Variants in APMAP observed in about 807,000 individuals in gnomAD.
APMAP encodes the protein adipocyte plasma membrane associated protein, also known as adipocyte plasma membrane-associated protein.
In APMAP, 33 loss-of-function variants were observed where a neutral mutation model predicts 43.6. The ratio of observed to expected loss-of-function variants is 0.76; its 90% CI spans 0.57 to 1.01. APMAP has a LOEUF of 1.01. Among genes scored for constraint, APMAP ranks in the 50% least tolerant of loss-of-function variants. The probability of loss-of-function intolerance (pLI) is 0.00; values close to 1 mark genes in which losing one functional copy is unlikely to be tolerated. For synonymous variants in APMAP, 224 were observed against 216.7 expected (o/e 1.03, Z -0.30); for missense variants, 498 against 540.7 (o/e 0.92, Z 0.78).
At chr20:24,983,855 A>T in intron 2 of APMAP, 48 bp downstream of exon 2, 2 of 1,293,842 alleles carry the variant, frequency 1.5e-6, no homozygotes, top group Non-Finnish European at 2.2e-6. Context: ...ATTTCAGCCT[A>T]TTACATTTTG....
intron 6 of APMAP, 29 bp downstream of exon 6, chr20:24,970,168 C>T: frequency 6.2e-7 from 1 of 1,613,100 alleles, no homozygotes; most frequent in Non-Finnish European, 8.5e-7. Context: ...GTGAACTCAA[C>T]AAATGGGAGA....
At chr20:24,986,715 ATCTC>A (rs1275466754) in intron 1 of APMAP, among the ~76,000 whole-genome samples, 1 of 152,208 alleles carries the variant, frequency 6.6e-6, no homozygotes, top group African/African-American at 2.4e-5. Context: ...GGAACCAGGT[ATCTC>A]TCTCCTTCAC....
intron 2 of APMAP, among the ~76,000 whole-genome samples, 157 bp from the exon 3 acceptor site, chr20:24,979,039 A>G (rs913686043): frequency 6.6e-6 from 1 of 152,202 alleles, no homozygotes; most frequent in East Asian, 1.9e-4. Flanking sequence ...CTGTTCTAGG[A>G]TATCAGAAAA....
chr20:24,982,831 A>G (rs1600288660), intron 2 of APMAP, among the ~76,000 whole-genome samples: 6 of 141,908 alleles, frequency 4.2e-5, no homozygotes, highest in East Asian at 2.1e-4. Context: ...ACATCAGGGG[A>G]CCCCCCCCCG....
In APMAP at chr20:24,992,676, C is replaced by G. The variant is rs781472848; in HGVS notation, c.13G>C (p.Asp5His). 6.5e-7 allele frequency: 1 copy of G among 1,535,372 alleles called. No individual in the cohort carries two copies. Among genetic ancestry groups the G allele is most frequent in the Non-Finnish European group, 8.8e-7 (1 of 1,142,186 alleles). The change falls in exon 1 of 9, where the codon GAC (aspartate) becomes CAC (histidine). Residue 5 changes from aspartate (D) to histidine (H), a missense_variant. Physicochemically the swap from Asp to His is moderately conservative, Grantham distance 81. Transcript: ENST00000217456. ...AGGGGCCGGCGCTGTCGCAGCCCGT[C>G]CGCCTCGCTCATGGTACGGGCGCCA... is the stretch of plus-strand genomic sequence containing the variant. MSEADGLRQRRPLRP... is the reference protein window; with the variant it reads MSEAHGLRQRRPLRP...
At chr20:24,978,218 A>G (rs1328780444) in intron 3 of APMAP, among the ~76,000 whole-genome samples, 2 of 152,238 alleles carry the variant, frequency 1.3e-5, no homozygotes, top group Admixed American at 6.5e-5. Context: ...TGCCTTGTTC[A>G]AGGTTGCTAG....
intron 8 of APMAP, among the ~76,000 whole-genome samples, chr20:24,967,486 C>T (rs1181511258): frequency 2.0e-5 from 3 of 152,180 alleles, no homozygotes; most frequent in Non-Finnish European, 2.9e-5. Flanking sequence ...CGTCCTCGCA[C>T]CTACATGTGC....
chr20:24,965,777 A>G (rs1357664740), intron 8 of APMAP, among the ~76,000 whole-genome samples: 3 of 152,238 alleles, frequency 2.0e-5, no homozygotes, highest in Non-Finnish European at 4.4e-5. Flanking sequence ...GCAACCACAG[A>G]TTGGTCACAT....
At chr20:24,976,837 C>G (rs1159602112) in intron 3 of APMAP, among the ~76,000 whole-genome samples, 1 of 152,230 alleles carries the variant, frequency 6.6e-6, no homozygotes, top group Non-Finnish European at 1.5e-5. Flanking sequence ...TGGAATATTA[C>G]TCAGTGCTAA....
chr20:24,965,227 C>A (rs1468158520), intron 8 of APMAP, among the ~76,000 whole-genome samples: 1 of 152,228 alleles, frequency 6.6e-6, no homozygotes, highest in African/African-American at 2.4e-5. Flanking sequence ...GCCCTACAAG[C>A]CCAGCTGCCA....
At chr20:24,970,155 CTGG>C (rs1381871083) in intron 6 of APMAP, 39 bp downstream of exon 6, 40 of 1,609,878 alleles carry the variant, frequency 2.5e-5, no homozygotes, top group Non-Finnish European at 3.3e-5. Context: ...ACTGGCCTGG[CTGG>C]TGAACTCAAC....
chr20:24,970,121 G>T, intron 6 of APMAP, 76 bp downstream of exon 6: 1 of 1,540,394 alleles, frequency 6.5e-7, no homozygotes, highest in Admixed American at 1.7e-5. Context: ...TTGGTCCCTA[G>T]AAGTAACAGG....
chr20:24,991,328 A>G (rs1439664552), intron 1 of APMAP, among the ~76,000 whole-genome samples: 1 of 152,210 alleles, frequency 6.6e-6, no homozygotes, highest in Non-Finnish European at 1.5e-5. Context: ...CAATATTCAC[A>G]GTAAGTAGGG....
At chr20:24,989,945 T>C (rs546686844) in intron 1 of APMAP, among the ~76,000 whole-genome samples, 1 of 152,330 alleles carries the variant, frequency 6.6e-6, no homozygotes, top group East Asian at 1.9e-4. Flanking sequence ...AGAAGTTTAT[T>C]GAAAAAGGAG....
At chr20:24,965,169 G>A (rs2087932195) in intron 8 of APMAP, among the ~76,000 whole-genome samples, 1 of 152,178 alleles carries the variant, frequency 6.6e-6, no homozygotes. Context: ...CCCCAGCTCT[G>A]GAGACAGGGC....
At chr20:24,983,051 C>T (rs2088118810) in intron 2 of APMAP, among the ~76,000 whole-genome samples, 1 of 152,246 alleles carries the variant, frequency 6.6e-6, no homozygotes, top group Admixed American at 6.5e-5. Flanking sequence ...TATTCTAAAT[C>T]CAACAACAAA....
At position 24,992,750 on chromosome 20, in the gene APMAP, C is replaced by A. The variant is rs1200924537; in HGVS notation, c.-62G>T. On this transcript the variant is annotated 5_prime_UTR_variant, in exon 1 of 9. Transcript: ENST00000217456. ...ACACTGAGCGGCGCCGGCTCAGACT[C>A]CAGGCCCGCCCTCCCCCGTACGCGG... The A allele has an allele frequency of 1.9e-5, 23 of 1,229,352 alleles. No homozygotes were observed. The highest frequency in any genetic ancestry group is 2.3e-5 in the Non-Finnish European group (21 of 924,302). 76.2% of individuals were successfully genotyped at this position (1,229,352 alleles called of 1,614,324 possible).
At chr20:24,986,006 A>G (rs2088144403) in intron 1 of APMAP, among the ~76,000 whole-genome samples, 1 of 152,220 alleles carries the variant, frequency 6.6e-6, no homozygotes, top group South Asian at 2.1e-4. Flanking sequence ...TGTGAAAAGC[A>G]GAGCTTCTAA....
Position 24,963,596 on chromosome 20 carries a change from C to G in APMAP, c.*217G>C. 7 of 580,290 alleles carry G rather than the reference C, an allele frequency of 1.2e-5. 1 individual carries two copies. In the South Asian group the frequency reaches 1.5e-4, roughly 12 times the overall value. The allele number at this position is 580,290 out of a possible 1,614,324, so 35.9% of individuals were successfully genotyped here. A position where few individuals can be genotyped will look rare whatever the true frequency, so the allele number is the denominator to read the frequency against. ...TTACATGAATTTATGTTCCTCATGG[C>G]AGATATGTTACACTTCCCTCTAAAC... On this transcript the variant is annotated 3_prime_UTR_variant, in exon 9 of 9. Transcript: ENST00000217456.
Sources: allele counts gnomAD v4.1 joint callset (sites outside exome capture counted in the v4.1 genomes callset), GRCh38; gene constraint gnomAD v4.1.1; transcripts MANE v1.5; gene names NCBI Gene and HGNC (gene_info 2026-07-23, HGNC 2026-07-21).